TXNDC15: variants seen among roughly 807,000 people sequenced by gnomAD.
The protein encoded by TXNDC15 is thioredoxin domain containing 15.
Under a neutral mutation model 35.0 loss-of-function variants are expected in TXNDC15, and 24 were observed. The observed-to-expected ratio is 0.68, with a 90% CI of 0.50 to 0.96. TXNDC15 has a LOEUF of 0.96. Among genes scored for constraint, TXNDC15 ranks in the 40% least tolerant of loss-of-function variants. The pLI, the probability that TXNDC15 is intolerant of heterozygous loss-of-function variation, is 0.00. For missense variants in TXNDC15, 385 were observed against 453.3 expected, an observed-to-expected ratio of 0.85 and a Z score of 1.37; for synonymous variants, 169 against 174.0, an observed-to-expected ratio of 0.97 and a Z score of 0.23.
At position 134,900,358 on chromosome 5, in the gene TXNDC15, A is replaced by G. The variant is rs570458594; in HGVS notation, c.*673A>G. ...TTTTAATCATAGTTACCTAAGCAGC[A>G]TGCATTAATTGAACCTTAAAATGTT... is the stretch of plus-strand genomic sequence containing the variant. On this transcript the variant is annotated 3_prime_UTR_variant, in exon 5 of 5. Coordinates refer to ENST00000358387, the MANE Select transcript of TXNDC15 (RefSeq NM_024715.4). 6.6e-6 allele frequency: 1 copy of G among 152,396 alleles called. No individual in the cohort carries two copies. The highest frequency in any genetic ancestry group is 2.4e-5 in the African/African-American group (1 of 41,586). The allele number at this position is 152,396 out of a possible 1,614,324, so 9.4% of individuals were successfully genotyped here. A position where few individuals can be genotyped will look rare whatever the true frequency, so the allele number is the denominator to read the frequency against.
intron 1 of TXNDC15, among the ~76,000 whole-genome samples, chr5:134,876,736 T>G (rs1357806644): frequency 6.6e-5 from 10 of 151,188 alleles, no homozygotes; most frequent in Admixed American, 1.3e-4. Flanking sequence ...TGAGGTGTTT[T>G]TTTTTTTTTT....
chr5:134,896,683 G>A (rs540744222), intron 4 of TXNDC15, among the ~76,000 whole-genome samples: 3 of 129,352 alleles, frequency 2.3e-5, no homozygotes, highest in Non-Finnish European at 3.1e-5. Flanking sequence ...TTGCTCTGTC[G>A]CCCAGGCTGG....
intron 3 of TXNDC15, 91 bp downstream of exon 3, chr5:134,893,746 A>AG (rs915751041): frequency 2.4e-5 from 36 of 1,525,936 alleles, no homozygotes; most frequent in Middle Eastern, 2.3e-4. Context: ...GAAGCAGAAG[A>AG]GGGGGGGCAT....
At chr5:134,874,585 C>T in intron 1 of TXNDC15, 55 bp downstream of exon 1, 7 of 1,439,158 alleles carry the variant, frequency 4.9e-6, no homozygotes, top group Non-Finnish European at 6.6e-6. Flanking sequence ...GAGGTCCACC[C>T]GGGCGACGCT....
At chr5:134,893,747 G>C (rs1183558138) in intron 3 of TXNDC15, 92 bp downstream of exon 3, 4 of 1,515,820 alleles carry the variant, frequency 2.6e-6, no homozygotes, top group Non-Finnish European at 3.6e-6. Flanking sequence ...AAGCAGAAGA[G>C]GGGGGGCATG....
intron 1 of TXNDC15, among the ~76,000 whole-genome samples, chr5:134,884,495 G>T (rs1016898789): frequency 2.8e-4 from 43 of 151,758 alleles, no homozygotes; most frequent in Non-Finnish European, 4.6e-4. Context: ...TGATCTACCC[G>T]CCTCAGCCTC....
At chr5:134,882,501 G>A (rs1486960424) in intron 1 of TXNDC15, among the ~76,000 whole-genome samples, 1 of 152,230 alleles carries the variant, frequency 6.6e-6, no homozygotes, top group African/African-American at 2.4e-5. Context: ...CTGCTGGGAG[G>A]TGGATGTTGT....
At chr5:134,883,635 TG>T (rs1168812860) in intron 1 of TXNDC15, among the ~76,000 whole-genome samples, 1 of 138,340 alleles carries the variant, frequency 7.2e-6, no homozygotes, top group Admixed American at 7.2e-5. Flanking sequence ...CTAGGCCTGG[TG>T]GCTCGCTGGC....
intron 4 of TXNDC15, among the ~76,000 whole-genome samples, chr5:134,898,526 C>A (rs1328497680): frequency 6.6e-6 from 1 of 152,122 alleles, no homozygotes; most frequent in Non-Finnish European, 1.5e-5. Context: ...TGCATATAAT[C>A]ATTTTAGCTA....
rs1180473307 is a variant in TXNDC15, at chr5:134,901,518, T to TTA, written c.*1833_*1834insTA. 6.6e-6 allele frequency: 1 copy of TTA among 152,246 alleles called. No individual in the cohort carries two copies. Among genetic ancestry groups the TTA allele is most frequent in the Non-Finnish European group, 1.5e-5 (1 of 68,044 alleles). 9.4% of individuals were successfully genotyped at this position (152,246 alleles called of 1,614,324 possible). Reference sequence around the variant, plus strand: ...AATACAAATGTAAGGAAAACTCTAGTGAGTCCACCTCTTATATTGAGTTAT... The same window carrying TTA: ...AATACAAATGTAAGGAAAACTCTAGTTAGAGTCCACCTCTTATATTGAGTTAT... On this transcript the variant is annotated 3_prime_UTR_variant, in exon 5 of 5. Coordinates refer to ENST00000358387, the MANE Select transcript of TXNDC15 (RefSeq NM_024715.4).
intron 2 of TXNDC15, among the ~76,000 whole-genome samples, chr5:134,890,659 C>T (rs1750372306): frequency 6.6e-6 from 1 of 152,140 alleles, no homozygotes; most frequent in African/African-American, 2.4e-5. Flanking sequence ...ATCTGCCCAC[C>T]TTGGCCTTCC....
intron 1 of TXNDC15, 30 bp downstream of exon 1, chr5:134,874,560 A>C: frequency 6.4e-7 from 1 of 1,556,628 alleles, no homozygotes; most frequent in Non-Finnish European, 8.7e-7. Context: ...GGTGCATGAG[A>C]TGATGGGGCG....
At chr5:134,888,260 G>C (rs1249852485) in intron 2 of TXNDC15, 78 bp downstream of exon 2, 2 of 1,349,470 alleles carry the variant, frequency 1.5e-6, no homozygotes, top group African/African-American at 2.9e-5. Context: ...ACTTTGAAAT[G>C]GAAAATCATG....
chr5:134,899,048 G>A (rs1750549097), intron 4 of TXNDC15, among the ~76,000 whole-genome samples: 2 of 151,938 alleles, frequency 1.3e-5, no homozygotes, highest in African/African-American at 4.8e-5. Flanking sequence ...CTGCACTCCA[G>A]CCTGGGAGAC....
Position 134,899,742 on chromosome 5 carries a change from T to C in TXNDC15, c.*57T>C, listed in dbSNP as rs1430867412. 2.2e-6 allele frequency: 3 copies of C among 1,391,862 alleles called. No individual in the cohort carries two copies. Among genetic ancestry groups the C allele is most frequent in the Non-Finnish European group, 1.9e-6 (2 of 1,027,034 alleles). The allele number at this position is 1,391,862 out of a possible 1,614,324, so 86.2% of individuals were successfully genotyped here. A position where few individuals can be genotyped will look rare whatever the true frequency, so the allele number is the denominator to read the frequency against. Reference sequence around the variant, plus strand: ...TTCAATCCTTCGTTTCAGAAATTAGTGCTACAGTTTCATACATTTTCTCCA... The same window carrying C: ...TTCAATCCTTCGTTTCAGAAATTAGCGCTACAGTTTCATACATTTTCTCCA... On this transcript the variant is annotated 3_prime_UTR_variant, in exon 5 of 5. Transcript: ENST00000358387.
chr5:134,882,175 C>T (rs1289716100), intron 1 of TXNDC15, among the ~76,000 whole-genome samples: 3 of 147,380 alleles, frequency 2.0e-5, no homozygotes, highest in South Asian at 2.2e-4. Context: ...ACGGGGTGGC[C>T]GGGCAGAGAC....
chr5:134,884,914 A>T (rs1307628280), intron 1 of TXNDC15, among the ~76,000 whole-genome samples: 2 of 141,844 alleles, frequency 1.4e-5, no homozygotes, highest in Non-Finnish European at 3.1e-5. Context: ...TAGATTCCCT[A>T]TACATATTCT....
chr5:134,875,678 A>AT (rs1283511469), intron 1 of TXNDC15, among the ~76,000 whole-genome samples: 71 of 143,710 alleles, frequency 4.9e-4, no homozygotes, highest in Admixed American at 2.8e-3. Context: ...TTTTATTTTT[A>AT]TTTTTTTTTG....
chr5:134,887,718 T>C lies in TXNDC15; in HGVS notation c.127T>C (p.Trp43Arg). The part of the protein sequence containing the change: ...VEVAEESGRL[W>R]SEEQPAHPLQ... ...AGTTGCAGAGGAAAGTGGTCGCTTA[T>C]GGTCAGAGGAGCAGCCTGCTCACCC... Residue 43 changes from tryptophan to arginine, a missense_variant, in exon 2 of 5, where the codon TGG (tryptophan) becomes CGG (arginine). Trp to Arg is a moderately radical substitution (Grantham distance 101, BLOSUM62 -3). Transcript: ENST00000358387. 1.3e-6 allele frequency: 2 copies of C among 1,596,292 alleles called. No individual in the cohort carries two copies. Among genetic ancestry groups the C allele is most frequent in the Non-Finnish European group, 8.6e-7 (1 of 1,168,766 alleles).
Sources: allele counts gnomAD v4.1 joint callset (sites outside exome capture counted in the v4.1 genomes callset), GRCh38; gene constraint gnomAD v4.1.1; transcripts MANE v1.5; gene names NCBI Gene and HGNC (gene_info 2026-07-23, HGNC 2026-07-21).